The following CDH18 variants were observed in gnomAD, a reference collection of about 807,000 sequenced individuals.
CDH18 encodes cadherin-18.
CDH18 carries 31 observed loss-of-function variants against 67.9 expected under a neutral mutation model. That is an observed-to-expected ratio of 0.46 (90% CI 0.34 to 0.62). The LOEUF is 0.62. Among genes scored for constraint, CDH18 ranks in the 20% least tolerant of loss-of-function variants. CDH18 has a pLI of 0.01. For missense variants in CDH18, 890 were observed against 975.5 expected, an observed-to-expected ratio of 0.91 and a Z score of 1.17; for synonymous variants, 362 against 347.2, an observed-to-expected ratio of 1.04 and a Z score of -0.48.
At chr5:20,121,383 G>C (rs73050745) in intron 2 of CDH18, among the ~76,000 whole-genome samples, 332 of 152,228 alleles carry the variant, frequency 2.2e-3, no homozygotes, top group African/African-American at 7.7e-3. Context: ...TTTAAAATGT[G>C]TAGATTCATG....
Position 19,571,594 on chromosome 5 carries a change from G to C in CDH18, c.1238C>G (p.Thr413Ser). 1 of 1,613,936 alleles carries C rather than the reference G, an allele frequency of 6.2e-7. No homozygotes were observed. The highest frequency in any genetic ancestry group is 8.5e-7 in the Non-Finnish European group (1 of 1,179,874). Residue 413 changes from threonine (T) to serine (S), a missense_variant, in exon 8 of 13, where the codon ACT becomes AGT. Thr to Ser is a moderately conservative substitution (Grantham distance 58). Around this residue, in one of 2 missense-constraint regions of CDH18, gnomAD observed 656 missense variants for 668.1 expected, o/e 0.98. Coordinates refer to ENST00000382275, the MANE Select transcript of CDH18 (RefSeq NM_004934.5). ...CATGCCATACCTTACTAAGCTGTTA[G>C]TACTGTCAGGATCTTGTGCCAAAAC... Reference protein sequence around the residue: ...GTVLAQDPDSTNSLVRYFINY... With the variant: ...GTVLAQDPDSSNSLVRYFINY...
chr5:19,556,487 A>G (rs947125599), intron 8 of CDH18, among the ~76,000 whole-genome samples: 2 of 152,194 alleles, frequency 1.3e-5, no homozygotes, highest in Non-Finnish European at 2.9e-5. Context: ...TGCACTGGAA[A>G]GTCTCAGCAA....
At chr5:20,027,435 T>C (rs988069019) in intron 2 of CDH18, among the ~76,000 whole-genome samples, 6 of 152,212 alleles carry the variant, frequency 3.9e-5, no homozygotes, top group Non-Finnish European at 7.3e-5. Flanking sequence ...AATTGGTTAT[T>C]AAAAAGTTGG....
chr5:19,638,556 T>C (rs6888094), intron 5 of CDH18, among the ~76,000 whole-genome samples: 54 of 141,364 alleles, frequency 3.8e-4, no homozygotes, highest in South Asian at 3.7e-3. Flanking sequence ...GTTTTTTTTT[T>C]CTTTTTTTTT....
chr5:19,690,122 A>G (rs1761665128), intron 5 of CDH18, among the ~76,000 whole-genome samples: 1 of 151,452 alleles, frequency 6.6e-6, no homozygotes, highest in Non-Finnish European at 1.5e-5. Flanking sequence ...ACAGTGTAAT[A>G]AAACTACTAG....
intron 1 of CDH18, chr5:20,331,372 G>A (rs991689083): frequency 2.6e-5 from 4 of 151,390 alleles, no homozygotes; most frequent in African/African-American, 9.7e-5. Flanking sequence ...CCAAGACTTC[G>A]CTTCTCACCA....
intron 2 of CDH18, among the ~76,000 whole-genome samples, chr5:20,009,075 A>G (rs1737176016): frequency 1.3e-5 from 2 of 152,144 alleles, no homozygotes; most frequent in Non-Finnish European, 2.9e-5. Flanking sequence ...AGTTCGGTCT[A>G]AAGAGATGAA....
chr5:19,503,876 C>A (rs566770820), intron 10 of CDH18, among the ~76,000 whole-genome samples: 1 of 152,060 alleles, frequency 6.6e-6, no homozygotes, highest in African/African-American at 2.4e-5. Context: ...ATATTTTCCT[C>A]TTTTGAAAAT....
intron 2 of CDH18, among the ~76,000 whole-genome samples, chr5:20,000,568 A>G (rs1012048530): frequency 1.3e-5 from 2 of 152,214 alleles, no homozygotes; most frequent in African/African-American, 4.8e-5. Flanking sequence ...TTAGCCAAAC[A>G]TTTTGAAGAG....
chr5:20,535,274 T>G (rs1756648237), intron 1 of CDH18, among the ~76,000 whole-genome samples: 1 of 152,106 alleles, frequency 6.6e-6, no homozygotes, highest in African/African-American at 2.4e-5. Flanking sequence ...CTTTTAGAAG[T>G]CACTTTTATT....
intron 6 of CDH18, among the ~76,000 whole-genome samples, chr5:19,605,483 T>C (rs1476753791): frequency 6.6e-6 from 1 of 152,020 alleles, no homozygotes; most frequent in Admixed American, 6.6e-5. Flanking sequence ...ATCCTTTCAA[T>C]TTAGCCACAT....
intron 2 of CDH18, among the ~76,000 whole-genome samples, chr5:19,853,449 C>A (rs1280349304): frequency 1.3e-5 from 2 of 152,112 alleles, no homozygotes; most frequent in Admixed American, 1.3e-4. Flanking sequence ...AAAACACAAA[C>A]ACTCAGTCCA....
chr5:19,829,666 G>T (rs1780806499), intron 3 of CDH18, among the ~76,000 whole-genome samples: 2 of 152,130 alleles, frequency 1.3e-5, no homozygotes, highest in Non-Finnish European at 1.5e-5. Context: ...CAATGCTATT[G>T]CTATCAAACT....
At chr5:19,658,512 G>A (rs1756718436) in intron 5 of CDH18, among the ~76,000 whole-genome samples, 1 of 152,018 alleles carries the variant, frequency 6.6e-6, no homozygotes, top group South Asian at 2.1e-4. Context: ...AAGTGTGTGT[G>A]AAACTGTTTG....
chr5:19,759,124 T>C (rs1240447507), intron 3 of CDH18, among the ~76,000 whole-genome samples: 1 of 152,222 alleles, frequency 6.6e-6, no homozygotes, highest in African/African-American at 2.4e-5. Flanking sequence ...CAGGAAATGT[T>C]TTAATTTGCT....
intron 1 of CDH18, among the ~76,000 whole-genome samples, chr5:20,297,902 T>C (rs1370441171): frequency 2.6e-5 from 4 of 152,220 alleles, no homozygotes; most frequent in Non-Finnish European, 5.9e-5. Context: ...TATTTGAAAA[T>C]AACTGTGTGG....
At chr5:20,564,872 T>C (rs1191207012) in intron 1 of CDH18, among the ~76,000 whole-genome samples, 1 of 152,152 alleles carries the variant, frequency 6.6e-6, no homozygotes, top group Non-Finnish European at 1.5e-5. Flanking sequence ...AGAATTATGA[T>C]GTAGTTTAAC....
intron 1 of CDH18, among the ~76,000 whole-genome samples, chr5:20,378,677 CG>C (rs1743663544): frequency 6.6e-6 from 1 of 151,992 alleles, no homozygotes; most frequent in African/African-American, 2.4e-5. Context: ...TGCCAAACAC[CG>C]GGTGCTAACG....
intron 1 of CDH18, among the ~76,000 whole-genome samples, chr5:20,499,549 C>T (rs7706868): frequency 0.034 from 5,124 of 152,148 alleles, 294 homozygotes; most frequent in African/African-American, 0.11. Context: ...TTAACATCTC[C>T]TCAATCCCAA....
Sources: allele counts gnomAD v4.1 joint callset (sites outside exome capture counted in the v4.1 genomes callset), GRCh38; gene constraint gnomAD v4.1.1; regional missense constraint gnomAD v4.1.1; transcripts MANE v1.5; gene names NCBI Gene and HGNC (gene_info 2026-07-23, HGNC 2026-07-21).